CNTNAP2: variants seen among roughly 807,000 people sequenced by gnomAD.
CNTNAP2 encodes the protein contactin associated protein 2, also known as contactin-associated protein-like 2.
CNTNAP2 carries 98 observed loss-of-function variants against 155.2 expected under a neutral mutation model. The ratio of observed to expected loss-of-function variants is 0.63; its 90% confidence interval spans 0.54 to 0.75. The LOEUF (loss-of-function observed/expected upper bound fraction) is 0.75. Ranked by LOEUF, CNTNAP2 falls within the 30% of genes least tolerant of loss-of-function variation. The pLI is 0.00. For synonymous variants in CNTNAP2, 651 were observed against 631.2 expected, an observed-to-expected ratio of 1.03 and a Z score of -0.47; for missense variants, 1,727 against 1,688.1, an observed-to-expected ratio of 1.02 and a Z score of -0.40.
intron 1 of CNTNAP2, among the ~76,000 whole-genome samples, chr7:146,163,253 T>C (rs2116803386): frequency 6.6e-6 from 1 of 151,840 alleles, no homozygotes; most frequent in African/African-American, 2.4e-5. Context: ...TGTTACATTC[T>C]TCATCAGTTC....
chr7:146,180,114 C>A (rs1191090763), intron 1 of CNTNAP2, among the ~76,000 whole-genome samples: 1 of 152,010 alleles, frequency 6.6e-6, no homozygotes, highest in African/African-American at 2.4e-5. Flanking sequence ...AGGAGAAACA[C>A]CCTCAGGGAA....
intron 1 of CNTNAP2, among the ~76,000 whole-genome samples, chr7:146,245,845 G>T (rs980790330): frequency 9.4e-5 from 14 of 149,580 alleles, no homozygotes; most frequent in African/African-American, 2.8e-4. Flanking sequence ...CGGGTGCAAA[G>T]GAATAGTAAA....
intron 10 of CNTNAP2, among the ~76,000 whole-genome samples, chr7:147,470,865 A>C (rs1268497020): frequency 6.6e-6 from 1 of 152,132 alleles, no homozygotes; most frequent in African/African-American, 2.4e-5. Context: ...CACCAAGATG[A>C]GTACTAAGAG....
intron 9 of CNTNAP2, among the ~76,000 whole-genome samples, chr7:147,355,907 AAG>A (rs1796055475): frequency 6.6e-6 from 1 of 152,166 alleles, no homozygotes; most frequent in Non-Finnish European, 1.5e-5. Context: ...ACAATGGAAA[AAG>A]AGAGACTCCT....
chr7:147,100,939 G>A (rs1292305105), intron 4 of CNTNAP2, among the ~76,000 whole-genome samples: 2 of 152,136 alleles, frequency 1.3e-5, no homozygotes, highest in Non-Finnish European at 2.9e-5. Flanking sequence ...AGTATGCAAG[G>A]AACTAGGGGA....
chr7:147,868,118 A>G (rs1371452939), intron 13 of CNTNAP2, among the ~76,000 whole-genome samples: 1 of 152,058 alleles, frequency 6.6e-6, no homozygotes, highest in African/African-American at 2.4e-5. Flanking sequence ...ATGGTGACCT[A>G]CAGATGGGGT....
At chr7:146,761,562 C>A (rs1410549434) in intron 1 of CNTNAP2, among the ~76,000 whole-genome samples, 1 of 152,098 alleles carries the variant, frequency 6.6e-6, no homozygotes. Flanking sequence ...CTTGAAGATG[C>A]TATACATTCC....
chr7:146,786,757 T>C (rs1011500427), intron 2 of CNTNAP2: 2 of 152,254 alleles, frequency 1.3e-5, no homozygotes, highest in African/African-American at 4.8e-5. Context: ...GCTATTATGA[T>C]TTTCTTAGCA....
chr7:146,161,557 G>A (rs1197133601), intron 1 of CNTNAP2, among the ~76,000 whole-genome samples: 1 of 152,138 alleles, frequency 6.6e-6, no homozygotes. Context: ...TGGATAGGAA[G>A]AATCAATATT....
intron 3 of CNTNAP2, among the ~76,000 whole-genome samples, chr7:147,033,114 A>G (rs1329795320): frequency 3.4e-5 from 5 of 146,740 alleles, no homozygotes; most frequent in Non-Finnish European, 6.0e-5. Context: ...TTATTTGGGT[A>G]AAGAGCAGTA....
chr7:146,626,823 C>T (rs1799427566), intron 1 of CNTNAP2, among the ~76,000 whole-genome samples: 1 of 151,840 alleles, frequency 6.6e-6, no homozygotes, highest in Non-Finnish European at 1.5e-5. Flanking sequence ...TGTACTTCAC[C>T]CCATTTAACC....
intron 13 of CNTNAP2, among the ~76,000 whole-genome samples, chr7:147,858,764 A>T (rs1000777963): frequency 6.6e-6 from 1 of 152,200 alleles, no homozygotes; most frequent in African/African-American, 2.4e-5. Flanking sequence ...ACAAGCCAAG[A>T]GGAATTAAGG....
chr7:148,360,513 T>C (rs1798598796), intron 21 of CNTNAP2, among the ~76,000 whole-genome samples: 1 of 152,224 alleles, frequency 6.6e-6, no homozygotes, highest in Admixed American at 6.5e-5. Context: ...CTTGTAACTG[T>C]GCGATCAACT....
chr7:146,923,153 A>C (rs1402446920), intron 3 of CNTNAP2, among the ~76,000 whole-genome samples: 2 of 152,190 alleles, frequency 1.3e-5, no homozygotes, highest in African/African-American at 4.8e-5. Context: ...TTTTAGGAAT[A>C]ATAAAAGTAC....
At chr7:146,166,967 A>ATGAAGCAGGCTTCCCACCTGAG (rs1798321194) in intron 1 of CNTNAP2, among the ~76,000 whole-genome samples, 1 of 152,228 alleles carries the variant, frequency 6.6e-6, no homozygotes, top group Non-Finnish European at 1.5e-5. Flanking sequence ...AAGACATGGA[A>ATGAAGCAGGCTTCCCACCTGAG]TGAAGCAGGC....
At chr7:147,369,780 G>C (rs1796311483) in intron 9 of CNTNAP2, among the ~76,000 whole-genome samples, 1 of 152,140 alleles carries the variant, frequency 6.6e-6, no homozygotes, top group African/African-American at 2.4e-5. Context: ...CTTTCACCTG[G>C]ATTAATATTG....
chr7:148,149,758 G>A (rs1442374635), intron 17 of CNTNAP2, among the ~76,000 whole-genome samples: 2 of 151,968 alleles, frequency 1.3e-5, no homozygotes, highest in Non-Finnish European at 2.9e-5. Context: ...CACCATGTTG[G>A]CCAGGCTGGT....
At chr7:147,258,582 T>C (rs1464757563) in intron 8 of CNTNAP2, among the ~76,000 whole-genome samples, 1 of 152,152 alleles carries the variant, frequency 6.6e-6, no homozygotes, top group Non-Finnish European at 1.5e-5. Flanking sequence ...AACTCACCTA[T>C]AACTGTATGA....
At chr7:146,301,525 G>C (rs4615478) in intron 1 of CNTNAP2, among the ~76,000 whole-genome samples, 36,376 of 151,732 alleles carry the variant, frequency 0.24, 11,089 homozygotes, top group African/African-American at 0.72. Context: ...GCTAGGGAGG[G>C]TGAGGCAGGA....
Sources: allele counts gnomAD v4.1 joint callset (sites outside exome capture counted in the v4.1 genomes callset), GRCh38; gene constraint gnomAD v4.1.1; transcripts MANE v1.5; gene names NCBI Gene and HGNC (gene_info 2026-07-23, HGNC 2026-07-21).